Variants in MYO3B observed in about 807,000 individuals in gnomAD.
The protein encoded by MYO3B is myosin-IIIb.
A neutral mutation model predicts 174.6 loss-of-function variants in MYO3B; 156 were observed. That is an observed-to-expected ratio of 0.89 (90% confidence interval 0.78 to 1.02). The LOEUF is 1.02. Ranked by LOEUF, MYO3B falls within the 50% of genes least tolerant of loss-of-function variation. MYO3B has a pLI of 0.00. For missense variants in MYO3B, 1,632 were observed against 1,639.4 expected (o/e 1.00, Z 0.08); for synonymous variants, 563 against 569.1 (o/e 0.99, Z 0.15).
chr2:170,520,153 G>C (rs1318429707), intron 30 of MYO3B, among the ~76,000 whole-genome samples: 2 of 152,150 alleles, frequency 1.3e-5, no homozygotes, highest in East Asian at 3.9e-4. Context: ...ATTTTTGTTT[G>C]TCACAACTTT....
intron 32 of MYO3B, among the ~76,000 whole-genome samples, chr2:170,634,915 G>A (rs993829367): frequency 6.6e-6 from 1 of 151,724 alleles, no homozygotes; most frequent in African/African-American, 2.4e-5. Flanking sequence ...ACCACAATGA[G>A]ATACCATCTC....
chr2:170,192,563 A>G (rs1051087541), intron 1 of MYO3B, among the ~76,000 whole-genome samples: 26 of 150,284 alleles, frequency 1.7e-4, no homozygotes, highest in Admixed American at 7.3e-4. Context: ...TAACTCATCA[A>G]TTTCTGCTTT....
At chr2:170,180,779 T>C (rs2092389094) in intron 1 of MYO3B, among the ~76,000 whole-genome samples, 2 of 152,190 alleles carry the variant, frequency 1.3e-5, no homozygotes, top group Admixed American at 6.5e-5. Flanking sequence ...GATATACACA[T>C]ACATAGAGAC....
At position 170,499,732 on chromosome 2, in the gene MYO3B, C is replaced by G. The variant is rs1345124095; in HGVS notation, c.3213C>G (p.Thr1071=). The G allele has an allele frequency of 6.2e-7, 1 of 1,613,940 alleles. No individual in the cohort carries two copies. The highest frequency in any genetic ancestry group is 8.5e-7 in the Non-Finnish European group (1 of 1,179,960). Residue 1071 remains threonine (T), a synonymous_variant, in exon 27 of 35, where the codon ACC becomes ACG. Transcript: ENST00000408978. ...GAGTGGTTGTGCTGCAGGCATATAC[C>G]AAGGGGTGGCTTGGAGCCAGGAGAT... ...IGRVVVLQAY[T]KGWLGARRYK...
chr2:170,344,815 A>G (rs950160030), intron 8 of MYO3B: 14 of 152,354 alleles, frequency 9.2e-5, no homozygotes, highest in Non-Finnish European at 1.6e-4. Flanking sequence ...GATGCCATCC[A>G]AAGAAATGTA....
Position 170,514,680 on chromosome 2 carries a change from G to A in MYO3B, c.3371-241G>A, listed in dbSNP as rs139590884. Among the ~76,000 whole-genome samples the A allele has an allele frequency of 2.6e-5, 4 of 152,326 alleles. 1 individual carries two copies. The East Asian group carries it at 7.7e-4, about 29-fold the overall frequency. ...CAAATTACCCAATGTCATCCAGCTA[G>A]TAGAGAATCTGGCCAGAACAATTAT... On this transcript the variant is annotated intron_variant, in intron 28 of 34. Transcript: ENST00000408978.
At chr2:170,350,133 C>T (rs1431857548) in intron 8 of MYO3B, among the ~76,000 whole-genome samples, 1 of 152,064 alleles carries the variant, frequency 6.6e-6, no homozygotes, top group Non-Finnish European at 1.5e-5. Context: ...TCCCAAGTAG[C>T]TGGGATTACA....
rs2105536751 is a variant in MYO3B at position 170,334,848 on chromosome 2, A to T, written c.750-537A>T. On this transcript the variant is annotated intron_variant, in intron 7 of 34. Coordinates refer to ENST00000408978, the MANE Select transcript of MYO3B (RefSeq NM_138995.5). ...ACCCAGGAACTTCACGGAGTCTGGG[A>T]CATTGTTTTGACTGTCTGACTTTCT... is the stretch of plus-strand genomic sequence containing the variant. 2 of 152,482 alleles carry T rather than the reference A, an allele frequency of 1.3e-5. 1 individual carries two copies. The highest frequency in any genetic ancestry group is 2.9e-5 in the Non-Finnish European group (2 of 68,206). The allele number at this position is 152,482 out of a possible 1,614,324, so 9.4% of individuals were successfully genotyped here.
chr2:170,626,123 C>A (rs923209249), intron 32 of MYO3B, among the ~76,000 whole-genome samples: 1 of 152,104 alleles, frequency 6.6e-6, no homozygotes, highest in African/African-American at 2.4e-5. Flanking sequence ...AACTTTCTGT[C>A]TCGTTGATCT....
rs1685975235 is a variant in MYO3B, at chr2:170,485,394, C to CAT, written c.3015-13197_3015-13196insTA. Among the ~76,000 whole-genome samples, 7 of 119,238 alleles carry CAT rather than the reference C, an allele frequency of 5.9e-5. No individual in the cohort carries two copies. The South Asian group carries it at 2.0e-3, about 35-fold the overall frequency. The allele number at this position is 119,238 out of a possible 152,430, so 78.2% of individuals were successfully genotyped here. A position where few individuals can be genotyped will look rare whatever the true frequency, so the allele number is the denominator to read the frequency against. ...TAGTTTTATCCTTTCAGAACACACA[C>CAT]ACACACACACACACACACACACACA... On this transcript the variant is annotated intron_variant, in intron 25 of 34. Transcript: ENST00000408978.
chr2:170,582,745 G>A (rs1693233132), intron 32 of MYO3B, among the ~76,000 whole-genome samples: 1 of 152,050 alleles, frequency 6.6e-6, no homozygotes, highest in African/African-American at 2.4e-5. Context: ...TAAGTACTCA[G>A]CAACAGGCAT....
chr2:170,452,900 G>C (rs1683678947), intron 23 of MYO3B, among the ~76,000 whole-genome samples: 1 of 152,072 alleles, frequency 6.6e-6, no homozygotes, highest in Non-Finnish European at 1.5e-5. Flanking sequence ...TTGAACCTAG[G>C]CTGCCATTGT....
intron 22 of MYO3B, 118 bp from the exon 23 acceptor site, chr2:170,443,849 T>C: frequency 1.6e-6 from 1 of 625,752 alleles, no homozygotes; most frequent in South Asian, 4.5e-5. Context: ...ATTTTAAAAA[T>C]TCAGAGCAGA....
intron 14 of MYO3B, among the ~76,000 whole-genome samples, chr2:170,389,694 C>T (rs2094398889): frequency 6.6e-6 from 1 of 152,130 alleles, no homozygotes; most frequent in Non-Finnish European, 1.5e-5. Flanking sequence ...GAACAAGTGA[C>T]ATTCATCTCA....
intron 22 of MYO3B, among the ~76,000 whole-genome samples, chr2:170,409,029 G>A (rs1480476768): frequency 4.6e-5 from 7 of 152,116 alleles, no homozygotes; most frequent in Admixed American, 2.6e-4. Flanking sequence ...CTCATCAGGC[G>A]ACTTCAGCAC....
intron 32 of MYO3B, among the ~76,000 whole-genome samples, chr2:170,614,515 G>C (rs1265805414): frequency 6.6e-6 from 1 of 152,066 alleles, no homozygotes; most frequent in Non-Finnish European, 1.5e-5. Context: ...CAAATAAGTT[G>C]CTCTTCCTTC....
At chr2:170,286,181 G>T (rs2093555064) in intron 7 of MYO3B, among the ~76,000 whole-genome samples, 1 of 152,152 alleles carries the variant, frequency 6.6e-6, no homozygotes, top group Non-Finnish European at 1.5e-5. Flanking sequence ...TTTGAGGATG[G>T]GTAAGCAGAA....
At chr2:170,508,767 A>T (rs1687778748) in intron 28 of MYO3B, among the ~76,000 whole-genome samples, 1 of 152,242 alleles carries the variant, frequency 6.6e-6, no homozygotes, top group South Asian at 2.1e-4. Flanking sequence ...GAGTCAAACA[A>T]TGAATGTTAA....
chr2:170,601,106 AG>A (rs1198206508), intron 32 of MYO3B, among the ~76,000 whole-genome samples: 1 of 152,222 alleles, frequency 6.6e-6, no homozygotes, highest in African/African-American at 2.4e-5. Context: ...AATGGGCAAA[AG>A]CTTCCCCTCA....
Sources: gnomAD v4.1 joint callset for allele counts (sites outside exome capture counted in the v4.1 genomes callset) on GRCh38, gnomAD v4.1.1 for gene constraint, MANE v1.5 for transcripts, NCBI Gene and HGNC (gene_info 2026-07-23, HGNC 2026-07-21) for gene names.